SYN3: variants seen among roughly 807,000 people sequenced by gnomAD.
SYN3 encodes the protein synapsin III, also known as synapsin-3.
SYN3 carries 35 observed loss-of-function variants against 65.8 expected under a neutral mutation model. That is an observed-to-expected ratio of 0.53 (90% CI 0.41 to 0.70). The LOEUF (loss-of-function observed/expected upper bound fraction) is 0.70. SYN3 is among the 30% of genes least tolerant of loss of function. The pLI, the probability that SYN3 is intolerant of heterozygous loss-of-function variation, is 0.00. For synonymous variants in SYN3, 270 were observed against 292.9 expected, an observed-to-expected ratio of 0.92 and a Z score of 0.80; for missense variants, 680 against 749.0, an observed-to-expected ratio of 0.91 and a Z score of 1.08.
chr22:32,618,795 G>C (rs1371651853), intron 6 of SYN3, among the ~76,000 whole-genome samples: 1 of 152,174 alleles, frequency 6.6e-6, no homozygotes, highest in Non-Finnish European at 1.5e-5. Context: ...CCCCTACCTT[G>C]AACAGCTGAA....
At chr22:32,987,278 G>A (rs1457239875) in intron 2 of SYN3, among the ~76,000 whole-genome samples, 1 of 152,180 alleles carries the variant, frequency 6.6e-6, no homozygotes, top group South Asian at 2.1e-4. Context: ...CAGAAGCAGG[G>A]AAGACAACCA....
At chr22:32,789,542 C>T (rs1325156421) in intron 6 of SYN3, among the ~76,000 whole-genome samples, 1 of 152,184 alleles carries the variant, frequency 6.6e-6, no homozygotes, top group Non-Finnish European at 1.5e-5. Flanking sequence ...CTATGGGGTA[C>T]TCCTAAGAAA....
intron 6 of SYN3, among the ~76,000 whole-genome samples, chr22:32,729,149 C>T (rs1302409112): frequency 6.6e-6 from 1 of 152,210 alleles, no homozygotes; most frequent in African/African-American, 2.4e-5. Context: ...TCTGTTCCCC[C>T]TACCCACAAC....
At chr22:32,694,643 G>A (rs532680183) in intron 6 of SYN3, among the ~76,000 whole-genome samples, 1 of 152,272 alleles carries the variant, frequency 6.6e-6, no homozygotes, top group East Asian at 1.9e-4. Flanking sequence ...GTACAGGCAG[G>A]ACCAACTTTT....
At chr22:32,740,044 A>G (rs982918464) in intron 6 of SYN3, among the ~76,000 whole-genome samples, 1 of 152,226 alleles carries the variant, frequency 6.6e-6, no homozygotes, top group African/African-American at 2.4e-5. Flanking sequence ...ATGACTTGAA[A>G]CCACATCATA....
At chr22:32,816,668 T>C (rs902477929) in intron 6 of SYN3, among the ~76,000 whole-genome samples, 1 of 152,190 alleles carries the variant, frequency 6.6e-6, no homozygotes, top group Non-Finnish European at 1.5e-5. Context: ...CATCAAGACT[T>C]CAGTGTTCCC....
At chr22:32,864,684 A>G (rs1410266464) in intron 6 of SYN3, 1 of 380,078 alleles carries the variant, frequency 2.6e-6, no homozygotes, top group Admixed American at 4.0e-5. Context: ...CCAAGTTCCA[A>G]GGAATGTGGT....
At chr22:32,962,413 C>T (rs573123831) in intron 3 of SYN3, among the ~76,000 whole-genome samples, 1 of 152,120 alleles carries the variant, frequency 6.6e-6, no homozygotes, top group Non-Finnish European at 1.5e-5. Context: ...GGATTACAGG[C>T]GTGAGCCACT....
At chr22:33,024,505 A>G (rs1166693841) in intron 1 of SYN3, among the ~76,000 whole-genome samples, 2 of 152,242 alleles carry the variant, frequency 1.3e-5, no homozygotes, top group Non-Finnish European at 2.9e-5. Context: ...GGGATTTCCA[A>G]GATGGTACAT....
chr22:32,741,824 A>T (rs2044779075), intron 6 of SYN3, among the ~76,000 whole-genome samples: 2 of 152,158 alleles, frequency 1.3e-5, no homozygotes, highest in Admixed American at 1.3e-4. Context: ...CTTCCCAAAC[A>T]TCTATTATTA....
At chr22:32,951,187 C>G (rs890230772) in intron 3 of SYN3, among the ~76,000 whole-genome samples, 3 of 152,104 alleles carry the variant, frequency 2.0e-5, no homozygotes, top group African/African-American at 7.2e-5. Flanking sequence ...CTGATGCCTC[C>G]CCCCATCCCC....
chr22:32,542,007 C>A (rs1294249603), intron 7 of SYN3, among the ~76,000 whole-genome samples: 1 of 152,060 alleles, frequency 6.6e-6, no homozygotes, highest in Non-Finnish European at 1.5e-5. Flanking sequence ...GTGGGGCCAT[C>A]CTCCAGAGAT....
At chr22:32,655,758 GT>G (rs1311292999) in intron 6 of SYN3, among the ~76,000 whole-genome samples, 1 of 152,176 alleles carries the variant, frequency 6.6e-6, no homozygotes, top group Non-Finnish European at 1.5e-5. Context: ...ATTAGGGTGA[GT>G]TGTATAATTA....
intron 4 of SYN3, among the ~76,000 whole-genome samples, chr22:32,902,228 C>T (rs2049780535): frequency 6.6e-6 from 1 of 152,226 alleles, no homozygotes. Flanking sequence ...TATGAAACAA[C>T]TGAAATAATT....
intron 2 of SYN3, among the ~76,000 whole-genome samples, chr22:32,986,654 C>T (rs536206699): frequency 6.6e-6 from 1 of 152,262 alleles, no homozygotes; most frequent in Admixed American, 6.5e-5. Flanking sequence ...GGGGTTGCTG[C>T]CTCTGTAATT....
intron 6 of SYN3, among the ~76,000 whole-genome samples, chr22:32,698,096 T>C (rs2060762570): frequency 6.6e-6 from 1 of 152,182 alleles, no homozygotes; most frequent in South Asian, 2.1e-4. Flanking sequence ...GTTTGTTGTA[T>C]GTAGAGGTTT....
intron 6 of SYN3, among the ~76,000 whole-genome samples, chr22:32,803,840 GC>G (rs1240148430): frequency 6.6e-6 from 1 of 152,190 alleles, no homozygotes. Flanking sequence ...GACTTCACTT[GC>G]GTTTTTTTGG....
intron 4 of SYN3, among the ~76,000 whole-genome samples, chr22:32,901,971 C>T (rs1246770467): frequency 2.0e-5 from 3 of 152,210 alleles, no homozygotes; most frequent in Non-Finnish European, 4.4e-5. Flanking sequence ...GAGAGCAGAG[C>T]CCCTCTTGGA....
intron 8 of SYN3, among the ~76,000 whole-genome samples, chr22:32,539,461 G>A (rs1440384816): frequency 6.6e-6 from 1 of 151,790 alleles, no homozygotes; most frequent in Non-Finnish European, 1.5e-5. Flanking sequence ...TAGCTTCATA[G>A]GGATGTGGAT....
Sources: allele counts gnomAD v4.1 joint callset (sites outside exome capture counted in the v4.1 genomes callset), GRCh38; gene constraint gnomAD v4.1.1; transcripts MANE v1.5; gene names NCBI Gene and HGNC (gene_info 2026-07-23, HGNC 2026-07-21).